The following CDH9 variants were observed in gnomAD, a reference collection of about 807,000 sequenced individuals.
CDH9 encodes the protein cadherin 9.
In CDH9, 28 loss-of-function variants were observed where a neutral mutation model predicts 70.9. That is an observed-to-expected ratio of 0.40 (90% CI 0.29 to 0.54). The LOEUF (loss-of-function observed/expected upper bound fraction) is 0.54. Ranked by LOEUF, CDH9 falls within the 20% of genes least tolerant of loss-of-function variation. CDH9 has a pLI of 0.59. For missense variants in CDH9, 874 were observed against 984.4 expected, an observed-to-expected ratio of 0.89 and a Z score of 1.50; for synonymous variants, 409 against 343.1, an observed-to-expected ratio of 1.19 and a Z score of -2.12.
chr5:27,027,633 G>A (rs1743241996), intron 1 of CDH9, among the ~76,000 whole-genome samples: 1 of 151,952 alleles, frequency 6.6e-6, no homozygotes, highest in Admixed American at 6.6e-5. Context: ...AGGATATCTG[G>A]CTCCAGGACT....
intron 1 of CDH9, among the ~76,000 whole-genome samples, chr5:27,036,578 C>T (rs1010458811): frequency 6.6e-6 from 1 of 151,830 alleles, no homozygotes; most frequent in Non-Finnish European, 1.5e-5. Flanking sequence ...AAATTATTAT[C>T]TCATAGGACT....
At chr5:26,888,628 G>C (rs913897715) in intron 9 of CDH9, among the ~76,000 whole-genome samples, 5 of 152,282 alleles carry the variant, frequency 3.3e-5, no homozygotes, top group Middle Eastern at 3.4e-3. Context: ...TGTATATGTA[G>C]GTGGAATGTA....
intron 2 of CDH9, among the ~76,000 whole-genome samples, chr5:26,949,226 C>T (rs1220516514): frequency 1.3e-5 from 2 of 152,264 alleles, no homozygotes; most frequent in South Asian, 4.1e-4. Context: ...CGAGGTTTGT[C>T]TTTTATTCTC....
chr5:26,935,679 T>C (rs1741546110), intron 2 of CDH9, among the ~76,000 whole-genome samples: 2 of 152,158 alleles, frequency 1.3e-5, no homozygotes, highest in African/African-American at 2.4e-5. Flanking sequence ...GTACAACCAC[T>C]ATGGAAAACA....
At chr5:26,957,049 C>G (rs1741958728) in intron 2 of CDH9, among the ~76,000 whole-genome samples, 1 of 146,294 alleles carries the variant, frequency 6.8e-6, no homozygotes, top group Non-Finnish European at 1.5e-5. Flanking sequence ...ACTTTGATAC[C>G]CTGAGTATTT....
chr5:26,939,386 A>G (rs1440612976), intron 2 of CDH9, among the ~76,000 whole-genome samples: 1 of 151,800 alleles, frequency 6.6e-6, no homozygotes, highest in East Asian at 1.9e-4. Context: ...AGAAATTATA[A>G]ATAACAAATA....
intron 2 of CDH9, among the ~76,000 whole-genome samples, chr5:26,968,848 A>G (rs1214854980): frequency 6.6e-6 from 1 of 152,212 alleles, no homozygotes; most frequent in African/African-American, 2.4e-5. Context: ...ATATGCAAAT[A>G]TGGTAAATAA....
intron 1 of CDH9, among the ~76,000 whole-genome samples, chr5:27,032,564 C>A (rs1743326570): frequency 6.6e-6 from 1 of 151,572 alleles, no homozygotes; most frequent in Non-Finnish European, 1.5e-5. Context: ...ACAGTTGAAC[C>A]TATTCCACTC....
At chr5:27,029,100 G>C (rs968013137) in intron 1 of CDH9, among the ~76,000 whole-genome samples, 7 of 151,912 alleles carry the variant, frequency 4.6e-5, no homozygotes, top group African/African-American at 1.7e-4. Context: ...TATTTTAAAA[G>C]AGATAATTAC....
At chr5:26,908,742 A>G (rs35570628) in intron 3 of CDH9, among the ~76,000 whole-genome samples, 2,258 of 152,336 alleles carry the variant, frequency 0.015, 18 homozygotes, top group Non-Finnish European at 0.022. Context: ...GATGTGGCCA[A>G]AAAGCTAAAA....
chr5:27,035,458 G>A (rs978714306), intron 1 of CDH9, among the ~76,000 whole-genome samples: 1 of 151,608 alleles, frequency 6.6e-6, no homozygotes, highest in Non-Finnish European at 1.5e-5. Flanking sequence ...CAATAAAAAT[G>A]ACCATATTTA....
At chr5:26,999,862 T>C (rs1160879237) in intron 1 of CDH9, among the ~76,000 whole-genome samples, 1 of 152,126 alleles carries the variant, frequency 6.6e-6, no homozygotes, top group Non-Finnish European at 1.5e-5. Context: ...TGCTTTATGA[T>C]GCAGATAAAA....
intron 2 of CDH9, among the ~76,000 whole-genome samples, chr5:26,946,379 CTT>C (rs1176261693): frequency 1.3e-5 from 2 of 152,096 alleles, no homozygotes; most frequent in East Asian, 3.9e-4. Flanking sequence ...TATAAACACT[CTT>C]TTGCTCAGAC....
At chr5:27,016,908 T>G (rs1482934479) in intron 1 of CDH9, among the ~76,000 whole-genome samples, 1 of 151,946 alleles carries the variant, frequency 6.6e-6, no homozygotes, top group East Asian at 1.9e-4. Context: ...TCCATATCAC[T>G]TGGAGCTCTG....
chr5:26,985,947 TAAAG>T (rs1561029476), intron 2 of CDH9, among the ~76,000 whole-genome samples: 1 of 151,670 alleles, frequency 6.6e-6, no homozygotes, highest in East Asian at 1.9e-4. Flanking sequence ...AAAAGCAGGA[TAAAG>T]AGAGAGTAAA....
chr5:26,920,418 C>T lies in CDH9; in HGVS notation c.229-4494G>A, dbSNP rs569722556. Among the ~76,000 whole-genome samples the T allele has an allele frequency of 2.8e-4, 42 of 152,066 alleles. No individual in the cohort carries two copies. In the East Asian group the frequency reaches 7.2e-3, roughly 26 times the overall value. ...TTGGATATTGGGTGGCATCTCTGGA[C>T]CCACCTAGGACCAGGGGAAACTCAC... On this transcript the variant is annotated intron_variant, in intron 2 of 11. Coordinates refer to ENST00000231021, the MANE Select transcript of CDH9 (RefSeq NM_016279.4).
intron 2 of CDH9, among the ~76,000 whole-genome samples, chr5:26,955,771 A>G (rs1268290364): frequency 6.6e-6 from 1 of 152,178 alleles, no homozygotes; most frequent in East Asian, 1.9e-4. Flanking sequence ...CAGTCTTTCT[A>G]CACTTAGCAG....
At chr5:26,996,912 A>T (rs1038157787) in intron 1 of CDH9, among the ~76,000 whole-genome samples, 12 of 152,052 alleles carry the variant, frequency 7.9e-5, no homozygotes, top group Non-Finnish European at 1.2e-4. Flanking sequence ...GGAAAACAGA[A>T]TTAGCAGAAA....
chr5:26,937,053 A>T (rs1406037189), intron 2 of CDH9, among the ~76,000 whole-genome samples: 1 of 152,146 alleles, frequency 6.6e-6, no homozygotes, highest in Non-Finnish European at 1.5e-5. Context: ...TAAAGTTAAA[A>T]CCATCTACCT....
Sources: gnomAD v4.1 joint callset for allele counts (sites outside exome capture counted in the v4.1 genomes callset) on GRCh38, gnomAD v4.1.1 for gene constraint, MANE v1.5 for transcripts, NCBI Gene and HGNC (gene_info 2026-07-23, HGNC 2026-07-21) for gene names.